KIAA1328: variants seen among roughly 807,000 people sequenced by gnomAD.
KIAA1328 encodes KIAA1328.
Under a neutral mutation model 68.1 loss-of-function variants are expected in KIAA1328, and 52 were observed. The observed-to-expected ratio is 0.76, with a 90% CI of 0.61 to 0.96. KIAA1328 has a LOEUF of 0.96. Among genes scored for constraint, KIAA1328 ranks in the 40% least tolerant of loss-of-function variants. The pLI is 0.00. For synonymous variants in KIAA1328, 232 were observed against 239.4 expected, an observed-to-expected ratio of 0.97 and a Z score of 0.28; for missense variants, 641 against 677.6, an observed-to-expected ratio of 0.95 and a Z score of 0.60.
intron 7 of KIAA1328, among the ~76,000 whole-genome samples, chr18:37,076,543 G>A (rs2151774290): frequency 6.6e-6 from 1 of 151,882 alleles, no homozygotes; most frequent in African/African-American, 2.4e-5. Context: ...ATGAATCCAG[G>A]AGCTGGTTTT....
At chr18:36,893,245 T>C (rs547390584) in intron 5 of KIAA1328, among the ~76,000 whole-genome samples, 2 of 152,198 alleles carry the variant, frequency 1.3e-5, no homozygotes, top group African/African-American at 4.8e-5. Context: ...ACTTACTTTC[T>C]CTCTCTTTTT....
At chr18:37,193,557 C>A in intron 9 of KIAA1328, 1 of 700,350 alleles carries the variant, frequency 1.4e-6, no homozygotes, top group Non-Finnish European at 2.6e-6. Flanking sequence ...AATCCTTGAA[C>A]CACTCATGGA....
At chr18:37,065,346 C>T (rs2056305379) in intron 6 of KIAA1328, among the ~76,000 whole-genome samples, 1 of 152,184 alleles carries the variant, frequency 6.6e-6, no homozygotes, top group Non-Finnish European at 1.5e-5. Context: ...GTTTCTTTCT[C>T]TTACCTTCTC....
intron 9 of KIAA1328, among the ~76,000 whole-genome samples, chr18:37,183,395 A>G (rs568634741): frequency 5.3e-5 from 8 of 152,280 alleles, no homozygotes; most frequent in Admixed American, 3.9e-4. Context: ...ATTGCCCATG[A>G]TGGGCCCCAG....
intron 5 of KIAA1328, among the ~76,000 whole-genome samples, chr18:36,938,255 C>T (rs1190001555): frequency 1.3e-5 from 2 of 152,138 alleles, no homozygotes; most frequent in Non-Finnish European, 2.9e-5. Flanking sequence ...ATATCCTCAC[C>T]AGCACTTGTT....
At chr18:36,909,768 C>T (rs958415112) in intron 5 of KIAA1328, among the ~76,000 whole-genome samples, 4 of 152,148 alleles carry the variant, frequency 2.6e-5, no homozygotes, top group South Asian at 2.1e-4. Flanking sequence ...AAAAGTGTTC[C>T]TATTTCTTCA....
downstream of KIAA1328, among the ~76,000 whole-genome samples, chr18:37,228,089 A>G (rs1568559579): frequency 6.6e-6 from 1 of 152,206 alleles, no homozygotes; most frequent in Non-Finnish European, 1.5e-5. Context: ...TAGCAAGAGA[A>G]CTAGAATTAG....
At chr18:37,188,173 T>G (rs1599548195) in intron 9 of KIAA1328, among the ~76,000 whole-genome samples, 2 of 152,304 alleles carry the variant, frequency 1.3e-5, no homozygotes, top group African/African-American at 4.8e-5. Context: ...TAGGCATAAG[T>G]GCTATGCCAG....
intron 3 of KIAA1328, among the ~76,000 whole-genome samples, chr18:36,842,325 G>C (rs115030797): frequency 1.7e-3 from 260 of 152,210 alleles, no homozygotes; most frequent in African/African-American, 6.1e-3. Context: ...TTGCAAACTG[G>C]AATCAGCAGT....
chr18:36,917,812 T>C (rs1360962115), intron 5 of KIAA1328, among the ~76,000 whole-genome samples: 1 of 152,150 alleles, frequency 6.6e-6, no homozygotes, highest in Non-Finnish European at 1.5e-5. Context: ...TGTTTTTATC[T>C]GAGATTTAGC....
chr18:36,865,356 G>A (rs1476138901), intron 4 of KIAA1328, among the ~76,000 whole-genome samples: 3 of 151,484 alleles, frequency 2.0e-5, no homozygotes, highest in East Asian at 1.9e-4. Flanking sequence ...CCAATCATAC[G>A]GAGATTTTTC....
At chr18:36,848,146 G>A (rs2047088864) in intron 4 of KIAA1328, among the ~76,000 whole-genome samples, 1 of 151,492 alleles carries the variant, frequency 6.6e-6, no homozygotes, top group Admixed American at 6.6e-5. Context: ...AAGTTTATTG[G>A]ACATACAGAT....
intron 5 of KIAA1328, among the ~76,000 whole-genome samples, chr18:36,940,395 T>C (rs1177310234): frequency 6.6e-6 from 1 of 152,134 alleles, no homozygotes; most frequent in African/African-American, 2.4e-5. Flanking sequence ...TGACAGTAAG[T>C]TTTTCTCTTT....
chr18:37,087,651 A>G (rs1240949387), intron 7 of KIAA1328, among the ~76,000 whole-genome samples: 1 of 152,194 alleles, frequency 6.6e-6, no homozygotes, highest in African/African-American at 2.4e-5. Context: ...GGACTTCACC[A>G]TGATCAGGTA....
chr18:37,152,008 C>T (rs1414596023), intron 7 of KIAA1328, among the ~76,000 whole-genome samples: 4 of 150,818 alleles, frequency 2.7e-5, no homozygotes, highest in Non-Finnish European at 4.4e-5. Flanking sequence ...TTAGGAGTAG[C>T]CCAGTCATGG....
chr18:37,050,366 G>C (rs890424724), intron 6 of KIAA1328, among the ~76,000 whole-genome samples: 3 of 152,088 alleles, frequency 2.0e-5, no homozygotes, highest in Non-Finnish European at 4.4e-5. Flanking sequence ...TCTGAAGACT[G>C]TTCTCACCAC....
intron 5 of KIAA1328, among the ~76,000 whole-genome samples, chr18:36,914,146 A>G (rs2049586514): frequency 6.6e-6 from 1 of 152,130 alleles, no homozygotes; most frequent in African/African-American, 2.4e-5. Context: ...TTAGTTTTTC[A>G]TTTTCCTACC....
chr18:37,096,685 C>T (rs1467702779), intron 7 of KIAA1328, among the ~76,000 whole-genome samples: 1 of 152,212 alleles, frequency 6.6e-6, no homozygotes, highest in Non-Finnish European at 1.5e-5. Flanking sequence ...TTTACAGTCC[C>T]ACCAACAGTG....
At chr18:36,879,993 G>A (rs1340738719) in intron 4 of KIAA1328, among the ~76,000 whole-genome samples, 4 of 152,198 alleles carry the variant, frequency 2.6e-5, no homozygotes, top group Admixed American at 1.3e-4. Context: ...TGCTGAGCAA[G>A]GTGACTCAGC....
Sources: allele counts gnomAD v4.1 joint callset (sites outside exome capture counted in the v4.1 genomes callset), GRCh38; gene constraint gnomAD v4.1.1; transcripts MANE v1.5; gene names NCBI Gene and HGNC (gene_info 2026-07-23, HGNC 2026-07-21).